WDFY4: variants seen among roughly 807,000 people sequenced by gnomAD.
The protein encoded by WDFY4 is WD repeat- and FYVE domain-containing protein 4.
A neutral mutation model predicts 351.9 loss-of-function variants in WDFY4; 169 were observed. That is an observed-to-expected ratio of 0.48 (90% confidence interval 0.42 to 0.55). The LOEUF is 0.55. WDFY4 is among the 20% of genes least tolerant of loss of function. WDFY4 has a pLI of 0.00. For missense variants in WDFY4, 3,803 were observed against 3,935.6 expected, an observed-to-expected ratio of 0.97 and a Z score of 0.90; for synonymous variants, 1,622 against 1,574.6, an observed-to-expected ratio of 1.03 and a Z score of -0.71.
chr10:48,813,125 C>T (rs2067514174), intron 30 of WDFY4, among the ~76,000 whole-genome samples: 1 of 152,162 alleles, frequency 6.6e-6, no homozygotes, highest in African/African-American at 2.4e-5. Flanking sequence ...TGGAACCTGA[C>T]AAATAGCCAA....
chr10:48,800,690 CTT>C (rs2067042392), intron 24 of WDFY4, among the ~76,000 whole-genome samples: 1 of 132,330 alleles, frequency 7.6e-6, no homozygotes, highest in Non-Finnish European at 1.6e-5. Context: ...TTCTTTCTTT[CTT>C]TCTTTCTTTC....
intron 1 of WDFY4, among the ~76,000 whole-genome samples, chr10:48,701,920 C>G (rs2063490529): frequency 6.6e-6 from 1 of 152,198 alleles, no homozygotes. Context: ...TTTCCATCCC[C>G]ACTGTACAGG....
chr10:48,932,954 G>A (rs553433223), intron 47 of WDFY4, among the ~76,000 whole-genome samples: 1 of 152,292 alleles, frequency 6.6e-6, no homozygotes, highest in South Asian at 2.1e-4. Context: ...CAAGGGCAGT[G>A]CAAGGTGGGC....
chr10:48,924,080 G>A (rs1360832032), intron 47 of WDFY4, among the ~76,000 whole-genome samples: 1 of 152,204 alleles, frequency 6.6e-6, no homozygotes, highest in East Asian at 1.9e-4. Context: ...CTCCAAGCCT[G>A]CCCATTAATC....
At chr10:48,892,002 G>A (rs750189315) in intron 44 of WDFY4, among the ~76,000 whole-genome samples, 5 of 152,112 alleles carry the variant, frequency 3.3e-5, no homozygotes, top group African/African-American at 1.2e-4. Context: ...AATGTTCACC[G>A]ATTGCTGTGA....
At chr10:48,863,743 A>G (rs2069428961) in intron 39 of WDFY4, among the ~76,000 whole-genome samples, 1 of 152,040 alleles carries the variant, frequency 6.6e-6, no homozygotes, top group African/African-American at 2.4e-5. Context: ...TCATATTGCT[A>G]TAAAGAACTG....
chr10:48,971,336 A>G (rs994249063), intron 57 of WDFY4, among the ~76,000 whole-genome samples: 10 of 152,096 alleles, frequency 6.6e-5, no homozygotes, highest in Non-Finnish European at 1.3e-4. Context: ...CTCTACTAAA[A>G]ATACAACAGA....
chr10:48,921,529 T>G (rs1314248133), intron 47 of WDFY4, among the ~76,000 whole-genome samples: 5 of 152,132 alleles, frequency 3.3e-5, no homozygotes, highest in Non-Finnish European at 7.4e-5. Context: ...GAGAAAATCT[T>G]CATGACTTTG....
rs2064385403 is a variant in WDFY4 at position 48,729,575 on chromosome 10, A to C, written c.1115A>C (p.His372Pro). The C allele has an allele frequency of 6.4e-7, 1 of 1,551,546 alleles. No homozygotes were observed. Among genetic ancestry groups the C allele is most frequent in the South Asian group, 1.2e-5 (1 of 84,054 alleles). ...CCTCAGCTTGAAGGCTTCAAGTTCC[A>C]TCATGAGGCATCTGGTGAGTCTTTC... ...TYPQLEGFKF[H>P]HEASGVTVKN... The change falls in exon 8 of 62, where the codon CAT (histidine) becomes CCT (proline). Residue 372 changes from histidine to proline, a missense_variant. Transcript: ENST00000325239.
chr10:48,734,543 T>TATATATAA (rs34515903), intron 10 of WDFY4, among the ~76,000 whole-genome samples: 1 of 151,110 alleles, frequency 6.6e-6, no homozygotes, highest in Non-Finnish European at 1.5e-5. Flanking sequence ...TATATATATA[T>TATATATAA]AATGACATAG....
chr10:48,900,093 A>G, intron 45 of WDFY4, 128 bp from the exon 46 acceptor site: 1 of 754,984 alleles, frequency 1.3e-6, no homozygotes, highest in Non-Finnish European at 2.1e-6. Flanking sequence ...TGGGAACTCA[A>G]AAGGACGACC....
intron 19 of WDFY4, among the ~76,000 whole-genome samples, chr10:48,785,562 A>G (rs1333297875): frequency 6.6e-6 from 1 of 152,178 alleles, no homozygotes; most frequent in South Asian, 2.1e-4. Flanking sequence ...TGGATGTTCA[A>G]TTGCTCCAGC....
intron 13 of WDFY4, among the ~76,000 whole-genome samples, chr10:48,768,447 C>T (rs897729869): frequency 5.9e-5 from 9 of 152,200 alleles, no homozygotes; most frequent in Admixed American, 6.5e-5. Context: ...TCACCTGCCC[C>T]GCCTTCACAT....
chr10:48,977,425 T>TCATCCATC (rs371807944), intron 59 of WDFY4, among the ~76,000 whole-genome samples: 2,579 of 150,098 alleles, frequency 0.017, 50 homozygotes, highest in African/African-American at 0.044. Context: ...ACCCATCCAC[T>TCATCCATC]CATCCATCCA....
At chr10:48,877,830 C>T (rs534535201) in intron 43 of WDFY4, among the ~76,000 whole-genome samples, 18 of 152,278 alleles carry the variant, frequency 1.2e-4, no homozygotes, top group African/African-American at 4.1e-4. Flanking sequence ...CCCCACTCTT[C>T]GTGTGTGTGT....
chr10:48,711,399 G>T (rs1304624906), intron 2 of WDFY4, among the ~76,000 whole-genome samples: 1 of 152,162 alleles, frequency 6.6e-6, no homozygotes, highest in Admixed American at 6.5e-5. Context: ...AGGTGCGACA[G>T]TCTTACCCCA....
At chr10:48,704,665 C>T (rs370908962) in intron 1 of WDFY4, among the ~76,000 whole-genome samples, 10 of 152,220 alleles carry the variant, frequency 6.6e-5, no homozygotes, top group African/African-American at 2.4e-4. Context: ...GTGAGCCCAG[C>T]TGCCTGTGTG....
chr10:48,883,390 G>A (rs2070331526), intron 43 of WDFY4, among the ~76,000 whole-genome samples: 1 of 43,646 alleles, frequency 2.3e-5, no homozygotes, highest in African/African-American at 4.4e-5. Flanking sequence ...TGTGCAAGGG[G>A]TGTGTGTGTG....
chr10:48,868,020 T>C (rs1206064833), intron 40 of WDFY4, among the ~76,000 whole-genome samples: 1 of 152,112 alleles, frequency 6.6e-6, no homozygotes, highest in East Asian at 1.9e-4. Flanking sequence ...AGCTCAATGA[T>C]AGGATGTTCT....
Sources: gnomAD v4.1 joint callset for allele counts (sites outside exome capture counted in the v4.1 genomes callset) on GRCh38, gnomAD v4.1.1 for gene constraint, MANE v1.5 for transcripts, NCBI Gene and HGNC (gene_info 2026-07-23, HGNC 2026-07-21) for gene names.